The following ARIH2 variants were observed in gnomAD, a reference collection of about 807,000 sequenced individuals.
ARIH2 encodes ariadne RBR E3 ubiquitin protein ligase 2, also known as E3 ubiquitin-protein ligase ARIH2.
In ARIH2, 12 loss-of-function variants were observed where a neutral mutation model predicts 79.8. The observed-to-expected ratio is 0.15, with a 90% CI of 0.10 to 0.24. ARIH2 has a LOEUF of 0.24. Among genes scored for constraint, ARIH2 ranks in the 10% least tolerant of loss-of-function variants. The pLI, the probability that ARIH2 is intolerant of heterozygous loss-of-function variation, is 1.00. For missense variants in ARIH2, 301 were observed against 618.3 expected (o/e 0.49, Z 5.44); for synonymous variants, 224 against 213.9 (o/e 1.05, Z -0.41).
intron 7 of ARIH2, 119 bp downstream of exon 7, chr3:48,968,774 G>T (rs977834631): frequency 1.5e-6 from 2 of 1,379,202 alleles, no homozygotes; most frequent in Non-Finnish European, 1.9e-6. Flanking sequence ...CAAAGAAAGC[G>T]CTCCATGGCT....
rs556618023 is a variant in ARIH2, at chr3:48,933,773, G to T, written c.255+5960G>T. 4.6e-5 allele frequency among the ~76,000 whole-genome samples: 7 copies of T among 150,682 alleles called. No individual in the cohort carries two copies. In the East Asian group the frequency reaches 7.9e-4, roughly 17 times the overall value. Reference sequence around the variant, plus strand: ...TCACCTTGTTTGCCAGGATGGTCTCGATCTCCTGACCTCATGATCCACCCG... The same window carrying T: ...TCACCTTGTTTGCCAGGATGGTCTCTATCTCCTGACCTCATGATCCACCCG... On this transcript the variant is annotated intron_variant, in intron 3 of 15. Coordinates refer to ENST00000356401, the MANE Select transcript of ARIH2 (RefSeq NM_006321.4).
chr3:48,941,576 G>A (rs1185993194), intron 3 of ARIH2, among the ~76,000 whole-genome samples: 1 of 150,482 alleles, frequency 6.6e-6, no homozygotes, highest in African/African-American at 2.4e-5. Flanking sequence ...ATGAACTATT[G>A]ATTTTTCTTT....
At chr3:48,975,118 C>G in intron 11 of ARIH2, 139 bp downstream of exon 11, 1 of 1,385,714 alleles carries the variant, frequency 7.2e-7, no homozygotes, top group Admixed American at 2.1e-5. Context: ...CAGTAACTGG[C>G]ATAAAGTAGC....
chr3:48,971,479 G>A (rs938336457), intron 8 of ARIH2, among the ~76,000 whole-genome samples: 8 of 152,168 alleles, frequency 5.3e-5, no homozygotes, highest in Non-Finnish European at 1.2e-4. Flanking sequence ...TCCTGACCTC[G>A]TGATCTGCCC....
chr3:48,927,571 A>T lies in ARIH2; in HGVS notation c.13A>T (p.Met5Leu). The T allele has an allele frequency of 6.2e-7, 1 of 1,613,958 alleles. No individual in the cohort carries two copies. Among genetic ancestry groups the T allele is most frequent in the Non-Finnish European group, 8.5e-7 (1 of 1,179,986 alleles). Residue 5 changes from methionine to leucine, a missense_variant, in exon 3 of 16, where the codon ATG (methionine) becomes TTG (leucine). By Grantham distance (15) the Met-to-Leu change is conservative. This residue lies in a region of ARIH2 where 223 missense variants were observed against 349.4 expected (regional missense o/e 0.64). Coordinates refer to ENST00000356401, the MANE Select transcript of ARIH2 (RefSeq NM_006321.4). ...GCTGGATGCTAAGATGTCAGTGGACATGAATAGCCAGGGGTCTGACAGCAA... is the reference window on the plus strand; with the variant it reads ...GCTGGATGCTAAGATGTCAGTGGACTTGAATAGCCAGGGGTCTGACAGCAA... MSVDMNSQGSDSNEE... is the reference protein window; with the variant it reads MSVDLNSQGSDSNEE...
At position 48,947,965 on chromosome 3, in the gene ARIH2, GTTTA is replaced by G. The variant is rs570885354; in HGVS notation, c.256-13639_256-13636del. ...TTTATTTTATTTTTATTTTTATTTT[GTTTA>G]TTTATTTTTTTGAGACAGTCTTGCT... On this transcript the variant is annotated intron_variant, in intron 3 of 15. Coordinates refer to ENST00000356401, the MANE Select transcript of ARIH2 (RefSeq NM_006321.4). Among the ~76,000 whole-genome samples the G allele has an allele frequency of 8.1e-3, 1,231 of 151,544 alleles. 7 individuals are homozygous for G. Among genetic ancestry groups the G allele is most frequent in the South Asian group, 0.014 (65 of 4,784 alleles).
rs755186223 is a variant in ARIH2, at chr3:48,961,597, C to T, written c.256-15C>T. On this transcript the variant is annotated splice_polypyrimidine_tract_variant and intron_variant, in intron 3 of 15. Coordinates refer to ENST00000356401, the MANE Select transcript of ARIH2 (RefSeq NM_006321.4). ...ATGCAGTTATAATTCGATTTTTTTT[C>T]TTTCTTCTTTCTAGGTATCTCATTC... 2 of 1,536,466 alleles carry T rather than the reference C, an allele frequency of 1.3e-6. No homozygotes were observed. Among genetic ancestry groups the T allele is most frequent in the Non-Finnish European group, 1.8e-6 (2 of 1,113,686 alleles).
rs2092679399 is a variant in ARIH2, at chr3:48,979,583, C to T, written c.1063C>T (p.Gln355Ter). ...TCCTGACATCGTGAACCAGAGCCAA[C>T]AAGCCCAGGCGAGGGAAGCCCTCAA... ...ENPDIVNQSQ[Q>*]AQAREALKKY... The change falls in exon 12 of 16, where the codon CAA (glutamine) becomes TAA (stop). Residue 355 changes from glutamine to a stop codon, truncating the protein, a stop_gained. Coordinates refer to ENST00000356401, the MANE Select transcript of ARIH2 (RefSeq NM_006321.4). LOFTEE classifies it high-confidence loss of function. 1 of 1,614,132 alleles carries T rather than the reference C, an allele frequency of 6.2e-7. No individual in the cohort carries two copies. The highest frequency in any genetic ancestry group is 8.5e-7 in the Non-Finnish European group (1 of 1,180,062).
chr3:48,921,368 T>G (rs140666757), intron 1 of ARIH2: 1 of 146,670 alleles, frequency 6.8e-6, no homozygotes, highest in Non-Finnish European at 1.5e-5. Flanking sequence ...TCTTTTTTTT[T>G]TGGAGGAGCC....
intron 3 of ARIH2, among the ~76,000 whole-genome samples, chr3:48,938,427 A>G (rs1235516666): frequency 6.6e-6 from 1 of 152,200 alleles, no homozygotes. Flanking sequence ...GTATGAAAGA[A>G]TGAGCTACTT....
At chr3:48,972,997 G>A (rs1009826178) in intron 8 of ARIH2, among the ~76,000 whole-genome samples, 2 of 152,326 alleles carry the variant, frequency 1.3e-5, no homozygotes, top group South Asian at 4.1e-4. Flanking sequence ...TTACAAGCAT[G>A]AATCACTGCA....
At position 48,968,570 on chromosome 3, in the gene ARIH2, C is replaced by T. The variant is rs766749204; in HGVS notation, c.575C>T (p.Thr192Ile). ...SCMAQDCPLR[T>I]PEDFVFPLLP... ...ATGGCTCAGGACTGTCCACTCCGTA[C>T]ACCAGAGGACTTTGTGTTTCCATTG... is the stretch of plus-strand genomic sequence containing the variant. The change falls in exon 7 of 16, where the codon ACA becomes ATA. Residue 192 changes from threonine (T) to isoleucine (I), a missense_variant. By Grantham distance (89) the Thr-to-Ile change is moderately conservative (BLOSUM62 -1). Transcript: ENST00000356401. 1.2e-6 allele frequency: 2 copies of T among 1,611,560 alleles called. No individual in the cohort carries two copies. The highest frequency in any genetic ancestry group is 1.7e-6 in the Non-Finnish European group (2 of 1,178,232).
At chr3:48,959,835 G>A (rs768945703) in intron 3 of ARIH2, among the ~76,000 whole-genome samples, 1 of 152,158 alleles carries the variant, frequency 6.6e-6, no homozygotes, top group Admixed American at 6.5e-5. Context: ...TGATTGCATA[G>A]CCTTTGACAC....
intron 8 of ARIH2, 41 bp downstream of exon 8, chr3:48,970,745 C>T: frequency 6.8e-7 from 1 of 1,476,674 alleles, no homozygotes; most frequent in Non-Finnish European, 9.5e-7. Context: ...TGGGCTCATG[C>T]CCCATCCTCC....
At chr3:48,951,181 C>CT (rs373798951) in intron 3 of ARIH2, among the ~76,000 whole-genome samples, 3 of 152,112 alleles carry the variant, frequency 2.0e-5, no homozygotes, top group African/African-American at 7.2e-5. Flanking sequence ...CTTGGCTGGT[C>CT]TTGAACTCCT....
rs34294515 is a variant in ARIH2, at chr3:48,982,713, T to C, written c.1327-183T>C. On this transcript the variant is annotated intron_variant, in intron 14 of 15. Coordinates refer to ENST00000356401, the MANE Select transcript of ARIH2 (RefSeq NM_006321.4). ...CGAGGGTGAATGTGGCCTTGCTGTT[T>C]GGATAGCCTTTTGTTTGGATTCTGG... The C allele has an allele frequency of 1.7e-3, 1,006 of 582,410 alleles. 5 individuals are homozygous for C. Among genetic ancestry groups the C allele is most frequent in the Non-Finnish European group, 2.2e-3 (705 of 326,480 alleles). The allele number at this position is 582,410 out of a possible 1,614,324, so 36.1% of individuals were successfully genotyped here.
intron 11 of ARIH2, among the ~76,000 whole-genome samples, chr3:48,975,758 G>A (rs922531784): frequency 1.3e-5 from 2 of 151,782 alleles, no homozygotes; most frequent in Non-Finnish European, 2.9e-5. Flanking sequence ...AGAGATGGGG[G>A]TTTGCCATGT....
At chr3:48,963,180 A>G (rs929782510) in intron 4 of ARIH2, among the ~76,000 whole-genome samples, 1 of 152,152 alleles carries the variant, frequency 6.6e-6, no homozygotes, top group Admixed American at 6.6e-5. Flanking sequence ...CACTAACTGC[A>G]CTCATCCTGT....
intron 3 of ARIH2, among the ~76,000 whole-genome samples, chr3:48,954,564 A>G (rs1480375990): frequency 8.5e-5 from 13 of 152,166 alleles, no homozygotes; most frequent in Non-Finnish European, 1.6e-4. Context: ...GGCTTGAGCC[A>G]CCACACCCAG....
Sources: allele counts gnomAD v4.1 joint callset (sites outside exome capture counted in the v4.1 genomes callset), GRCh38; gene constraint gnomAD v4.1.1; regional missense constraint gnomAD v4.1.1; transcripts MANE v1.5; gene names NCBI Gene and HGNC (gene_info 2026-07-23, HGNC 2026-07-21).